TNR: variants seen among roughly 807,000 people sequenced by gnomAD.
The protein encoded by TNR is tenascin R.
Under a neutral mutation model 150.4 loss-of-function variants are expected in TNR, and 45 were observed. The ratio of observed to expected loss-of-function variants is 0.30; its 90% CI spans 0.24 to 0.38. The LOEUF (loss-of-function observed/expected upper bound fraction) is 0.38, where lower values mean the gene tolerates loss of function less well. Among genes scored for constraint, TNR ranks in the 10% least tolerant of loss-of-function variants. The pLI is 1.00. For synonymous variants in TNR, 687 were observed against 678.4 expected, an observed-to-expected ratio of 1.01 and a Z score of -0.20; for missense variants, 1,544 against 1,759.1, an observed-to-expected ratio of 0.88 and a Z score of 2.19.
intron 14 of TNR, among the ~76,000 whole-genome samples, chr1:175,362,439 C>G (rs1317542359): frequency 6.6e-6 from 1 of 152,136 alleles, no homozygotes; most frequent in Non-Finnish European, 1.5e-5. Flanking sequence ...ATGAAAATTC[C>G]TAACCTAAAC....
chr1:175,364,275 C>T (rs1250177403), intron 12 of TNR, among the ~76,000 whole-genome samples: 1 of 151,338 alleles, frequency 6.6e-6, no homozygotes, highest in Non-Finnish European at 1.5e-5. Flanking sequence ...TTTCAGAGCA[C>T]AAGTCCAGAA....
At chr1:175,485,745 A>G (rs983501637) in intron 2 of TNR, among the ~76,000 whole-genome samples, 1 of 152,186 alleles carries the variant, frequency 6.6e-6, no homozygotes, top group African/African-American at 2.4e-5. Flanking sequence ...GATTTAGTAT[A>G]ATGTTTATTT....
At chr1:175,476,009 G>T (rs955144586) in intron 2 of TNR, among the ~76,000 whole-genome samples, 1 of 152,192 alleles carries the variant, frequency 6.6e-6, no homozygotes, top group Admixed American at 6.5e-5. Context: ...ACAAAAAAGA[G>T]AGCTGAACAG....
chr1:175,693,240 C>T (rs1666423389), intron 1 of TNR, among the ~76,000 whole-genome samples: 1 of 152,216 alleles, frequency 6.6e-6, no homozygotes, highest in South Asian at 2.1e-4. Context: ...GCTGGAGTGG[C>T]CACACTGCTC....
chr1:175,740,582 C>A (rs1021171759), intron 1 of TNR, among the ~76,000 whole-genome samples: 1 of 152,128 alleles, frequency 6.6e-6, no homozygotes, highest in South Asian at 2.1e-4. Context: ...CCAGCAGTCT[C>A]CCCTACACAG....
intron 1 of TNR, among the ~76,000 whole-genome samples, chr1:175,663,887 C>T (rs1665454627): frequency 1.3e-5 from 2 of 152,216 alleles, no homozygotes; most frequent in Admixed American, 6.5e-5. Context: ...TTCACTCTTC[C>T]ATGTGAACTC....
At chr1:175,465,460 T>G (rs1175362750) in intron 2 of TNR, among the ~76,000 whole-genome samples, 1 of 152,206 alleles carries the variant, frequency 6.6e-6, no homozygotes. Flanking sequence ...AGCAGCTAAG[T>G]GTCCTTATGG....
chr1:175,714,340 T>C (rs1185324444), intron 1 of TNR, among the ~76,000 whole-genome samples: 1 of 152,082 alleles, frequency 6.6e-6, no homozygotes, highest in Non-Finnish European at 1.5e-5. Flanking sequence ...ATGATATAAA[T>C]GAGGCAATTG....
intron 1 of TNR, among the ~76,000 whole-genome samples, chr1:175,559,133 T>C (rs1661311339): frequency 1.3e-5 from 2 of 152,124 alleles, no homozygotes; most frequent in African/African-American, 2.4e-5. Flanking sequence ...AACAAACAAA[T>C]GAACAAAAAT....
chr1:175,531,622 T>G (rs543401444), intron 1 of TNR, among the ~76,000 whole-genome samples: 1 of 152,310 alleles, frequency 6.6e-6, no homozygotes, highest in African/African-American at 2.4e-5. Flanking sequence ...GACCTGACTC[T>G]CCAGCAGCTT....
At chr1:175,739,624 C>G (rs567420276) in intron 1 of TNR, among the ~76,000 whole-genome samples, 1 of 152,222 alleles carries the variant, frequency 6.6e-6, no homozygotes, top group South Asian at 2.1e-4. Flanking sequence ...AACCCAGGGA[C>G]GGAAGCAGGG....
chr1:175,640,041 G>A (rs1664605577), intron 1 of TNR, among the ~76,000 whole-genome samples: 1 of 152,212 alleles, frequency 6.6e-6, no homozygotes, highest in Non-Finnish European at 1.5e-5. Context: ...CCAACAGGTA[G>A]CATTACCCCA....
chr1:175,542,108 C>A (rs562934614), intron 1 of TNR, among the ~76,000 whole-genome samples: 3 of 152,200 alleles, frequency 2.0e-5, no homozygotes, highest in African/African-American at 7.2e-5. Flanking sequence ...GGGTTTGGGG[C>A]AAATCTGGGA....
intron 1 of TNR, among the ~76,000 whole-genome samples, chr1:175,561,260 T>A (rs1362224072): frequency 6.6e-6 from 1 of 152,246 alleles, no homozygotes; most frequent in Non-Finnish European, 1.5e-5. Context: ...CTGGCTTGCC[T>A]CACTGTTATT....
At chr1:175,575,627 T>C (rs184168934) in intron 1 of TNR, among the ~76,000 whole-genome samples, 3 of 151,994 alleles carry the variant, frequency 2.0e-5, no homozygotes, top group East Asian at 1.9e-4. Flanking sequence ...GTGCCTCAGA[T>C]TGGGTAGTGA....
At chr1:175,554,560 G>A (rs564403820) in intron 1 of TNR, among the ~76,000 whole-genome samples, 1 of 152,256 alleles carries the variant, frequency 6.6e-6, no homozygotes, top group East Asian at 1.9e-4. Flanking sequence ...CCTGTAGCTA[G>A]TTACTTGTTG....
At chr1:175,577,044 C>T (rs979826239) in intron 1 of TNR, among the ~76,000 whole-genome samples, 2 of 152,110 alleles carry the variant, frequency 1.3e-5, no homozygotes, top group Non-Finnish European at 2.9e-5. Flanking sequence ...CAATTCATTC[C>T]CCCACACCAT....
chr1:175,523,285 G>A (rs1323429558), intron 2 of TNR, among the ~76,000 whole-genome samples: 2 of 152,150 alleles, frequency 1.3e-5, no homozygotes, highest in South Asian at 4.1e-4. Flanking sequence ...CAAAAATAAT[G>A]TGAAAAATAA....
At position 175,566,359 on chromosome 1, in the gene TNR, C is replaced by T. The variant is rs114682317; in HGVS notation, c.-164-37990G>A. On this transcript the variant is annotated intron_variant, in intron 1 of 22. Transcript: ENST00000367674. Reference sequence around the variant, plus strand: ...TTTGCTACATGTTAAGTATGATGGACGAGAGCGGGTGGTGAAGGCAGAGAA... The same window carrying T: ...TTTGCTACATGTTAAGTATGATGGATGAGAGCGGGTGGTGAAGGCAGAGAA... Among the ~76,000 whole-genome samples the T allele has an allele frequency of 5.5e-3, 841 of 152,292 alleles. 2 individuals carry two copies. Among genetic ancestry groups the T allele is most frequent in the African/African-American group, 0.019 (800 of 41,558 alleles).
Sources: gnomAD v4.1 joint callset for allele counts (sites outside exome capture counted in the v4.1 genomes callset) on GRCh38, gnomAD v4.1.1 for gene constraint, MANE v1.5 for transcripts, NCBI Gene and HGNC (gene_info 2026-07-23, HGNC 2026-07-21) for gene names.